LRFN2: variants seen among roughly 807,000 people sequenced by gnomAD.
LRFN2 encodes leucine rich repeat and fibronectin type III domain containing 2.
Under a neutral mutation model 37.3 loss-of-function variants are expected in LRFN2, and 18 were observed. The ratio of observed to expected loss-of-function variants is 0.48; its 90% CI spans 0.33 to 0.72. The LOEUF (loss-of-function observed/expected upper bound fraction) is 0.72. Among genes scored for constraint, LRFN2 ranks in the 30% least tolerant of loss-of-function variants. LRFN2 has a pLI of 0.02. For synonymous variants in LRFN2, 556 were observed against 466.6 expected (o/e 1.19, Z -2.47); for missense variants, 1,006 against 1,060.7 (o/e 0.95, Z 0.72).
chr6:40,391,885 G>A lies in LRFN2; in HGVS notation c.*58C>T. The A allele has an allele frequency of 6.8e-7, 1 of 1,462,804 alleles. No individual in the cohort carries two copies. Among genetic ancestry groups the A allele is most frequent in the Non-Finnish European group, 9.1e-7 (1 of 1,100,306 alleles). 90.6% of individuals were successfully genotyped at this position (1,462,804 alleles called of 1,614,324 possible). A position where few individuals can be genotyped will look rare whatever the true frequency, so the allele number is the denominator to read the frequency against. On this transcript the variant is annotated 3_prime_UTR_variant, in exon 3 of 3. Transcript: ENST00000338305. ...GGAAACTCCACAAACACTTGCCAGT[G>A]AGATTCTTTCCCCTTCTCCCACCCT...
chr6:40,447,417 A>G (rs148704020), intron 1 of LRFN2, among the ~76,000 whole-genome samples: 8 of 152,258 alleles, frequency 5.3e-5, no homozygotes, highest in African/African-American at 1.9e-4. Flanking sequence ...GCCTACCTTT[A>G]ACATCACTAG....
At chr6:40,520,178 C>T (rs1028792088) in intron 1 of LRFN2, among the ~76,000 whole-genome samples, 1 of 152,124 alleles carries the variant, frequency 6.6e-6, no homozygotes, top group African/African-American at 2.4e-5. Context: ...AGGCAGAATC[C>T]TCTGGCAACC....
Position 40,505,100 on chromosome 6 carries a change from C to A in LRFN2, c.-18-71969G>T, listed in dbSNP as rs181464918. 4.8e-3 allele frequency among the ~76,000 whole-genome samples: 733 copies of A among 152,310 alleles called. 2 individuals are homozygous for A. The highest frequency in any genetic ancestry group is 0.017 in the African/African-American group (701 of 41,562). On this transcript the variant is annotated intron_variant, in intron 1 of 2. Transcript: ENST00000338305. The stretch of plus-strand genomic sequence containing the variant: ...TGGCCTCGGCAAAGCAGCCAGTGGG[C>A]TCTGTCTGCACGGGCCCTGTGTGGC...
intron 1 of LRFN2, among the ~76,000 whole-genome samples, chr6:40,459,521 C>T (rs921307382): frequency 3.3e-5 from 5 of 152,182 alleles, no homozygotes; most frequent in African/African-American, 1.2e-4. Context: ...GACTTCTCTC[C>T]ATGAACACTT....
At chr6:40,445,666 C>T (rs559399540) in intron 1 of LRFN2, among the ~76,000 whole-genome samples, 1 of 152,268 alleles carries the variant, frequency 6.6e-6, no homozygotes, top group South Asian at 2.1e-4. Flanking sequence ...CTCAAGAGGC[C>T]CCGGCTTGAG....
At chr6:40,528,089 G>A (rs1052355347) in intron 1 of LRFN2, among the ~76,000 whole-genome samples, 5 of 152,200 alleles carry the variant, frequency 3.3e-5, no homozygotes, top group Admixed American at 3.3e-4. Flanking sequence ...TCAAACCCAG[G>A]TTTCTTCCGC....
intron 1 of LRFN2, among the ~76,000 whole-genome samples, chr6:40,441,476 C>T (rs911606501): frequency 6.6e-6 from 1 of 152,092 alleles, no homozygotes; most frequent in Non-Finnish European, 1.5e-5. Context: ...CTGGATTTCA[C>T]CAGTGGGGGC....
rs749343691 is a variant in LRFN2 at position 40,432,580 on chromosome 6, C to T, written c.534G>A (p.Leu178=). ...SVRRMVNLHQ[L]SLDHNLLDHI... ...GATCCAGCAGGTTGTGGTCCAGGCT[C>T]AGCTGGTGGAGGTTGACCATGCGTC... Residue 178 remains leucine, a synonymous_variant, in exon 2 of 3, where the codon CTG becomes CTA. Transcript: ENST00000338305. The T allele has an allele frequency of 3.1e-6, 5 of 1,614,230 alleles. No homozygotes were observed. The highest frequency in any genetic ancestry group is 3.3e-5 in the Admixed American group (2 of 60,034).
chr6:40,503,369 G>A (rs1765440390), intron 1 of LRFN2, among the ~76,000 whole-genome samples: 1 of 152,192 alleles, frequency 6.6e-6, no homozygotes, highest in Non-Finnish European at 1.5e-5. Context: ...GTAATGGAGA[G>A]ACTGTAGTGG....
At chr6:40,488,662 A>G (rs1037450776) in intron 1 of LRFN2, among the ~76,000 whole-genome samples, 2 of 152,054 alleles carry the variant, frequency 1.3e-5, no homozygotes, top group Non-Finnish European at 2.9e-5. Flanking sequence ...CAGCTTCAAC[A>G]TCTCCTCCAG....
intron 1 of LRFN2, among the ~76,000 whole-genome samples, chr6:40,552,014 C>T (rs392759): frequency 0.12 from 18,367 of 152,096 alleles, 1,299 homozygotes; most frequent in Non-Finnish European, 0.16. Context: ...ACAAAATCCT[C>T]GTGTGTTATA....
At chr6:40,471,124 A>G (rs896280152) in intron 1 of LRFN2, among the ~76,000 whole-genome samples, 3 of 152,134 alleles carry the variant, frequency 2.0e-5, no homozygotes, top group African/African-American at 7.2e-5. Flanking sequence ...AGCTTGTTCA[A>G]TCCAAGGCTG....
At chr6:40,502,593 A>C (rs1256665410) in intron 1 of LRFN2, among the ~76,000 whole-genome samples, 1 of 152,206 alleles carries the variant, frequency 6.6e-6, no homozygotes, top group Non-Finnish European at 1.5e-5. Flanking sequence ...GGCAAGTCAC[A>C]AATGGGACAT....
intron 1 of LRFN2, among the ~76,000 whole-genome samples, chr6:40,448,392 G>T (rs1764023543): frequency 6.6e-6 from 1 of 152,062 alleles, no homozygotes; most frequent in East Asian, 1.9e-4. Flanking sequence ...GGAGATCAGG[G>T]CGAGCCTGAG....
At chr6:40,568,042 A>G (rs1581798515) in intron 1 of LRFN2, among the ~76,000 whole-genome samples, 3 of 152,286 alleles carry the variant, frequency 2.0e-5, no homozygotes, top group Middle Eastern at 6.8e-3. Flanking sequence ...CTCTTCCCAG[A>G]CGGTCTACAG....
At chr6:40,422,990 A>C (rs1231588153) in intron 2 of LRFN2, among the ~76,000 whole-genome samples, 2 of 152,218 alleles carry the variant, frequency 1.3e-5, no homozygotes, top group Non-Finnish European at 2.9e-5. Flanking sequence ...ATGTGGAGAA[A>C]TTAGTCACCT....
intron 1 of LRFN2, among the ~76,000 whole-genome samples, chr6:40,520,371 C>T (rs1389018012): frequency 6.6e-6 from 1 of 152,038 alleles, no homozygotes; most frequent in Non-Finnish European, 1.5e-5. Flanking sequence ...ACTCTGGGCT[C>T]CAGCCTGGGC....
chr6:40,438,852 T>A (rs59207594), intron 1 of LRFN2, among the ~76,000 whole-genome samples: 7,736 of 152,230 alleles, frequency 0.051, 258 homozygotes, highest in Middle Eastern at 0.088. Flanking sequence ...CAGAAATACA[T>A]ACTGGCAATA....
At chr6:40,435,662 C>T (rs973175181) in intron 1 of LRFN2, among the ~76,000 whole-genome samples, 1 of 152,242 alleles carries the variant, frequency 6.6e-6, no homozygotes, top group Non-Finnish European at 1.5e-5. Context: ...CCTCAGCCTC[C>T]CTAGTAGCTG....
Sources: gnomAD v4.1 joint callset for allele counts (sites outside exome capture counted in the v4.1 genomes callset) on GRCh38, gnomAD v4.1.1 for gene constraint, MANE v1.5 for transcripts, NCBI Gene and HGNC (gene_info 2026-07-23, HGNC 2026-07-21) for gene names.